The following UBXN7 variants were observed in gnomAD, a reference collection of about 807,000 sequenced individuals.
UBXN7 encodes the protein UBX domain protein 7.
Under a neutral mutation model 58.0 loss-of-function variants are expected in UBXN7, and 9 were observed. The ratio of observed to expected loss-of-function variants is 0.16; its 90% CI spans 0.09 to 0.27. UBXN7 has a LOEUF of 0.27. Among genes scored for constraint, UBXN7 ranks in the 10% least tolerant of loss-of-function variants. The pLI is 1.00. For missense variants in UBXN7, 328 were observed against 599.6 expected, an observed-to-expected ratio of 0.55 and a Z score of 4.73; for synonymous variants, 208 against 205.0, an observed-to-expected ratio of 1.01 and a Z score of -0.12.
chr3:196,397,244 G>A (rs978255787), intron 3 of UBXN7, among the ~76,000 whole-genome samples: 9 of 152,272 alleles, frequency 5.9e-5, no homozygotes, highest in African/African-American at 1.7e-4. Flanking sequence ...AAGCTATAAA[G>A]AGCTAAAAGA....
At chr3:196,399,672 G>GC (rs2108850277) in intron 3 of UBXN7, among the ~76,000 whole-genome samples, 1 of 152,268 alleles carries the variant, frequency 6.6e-6, no homozygotes, top group South Asian at 2.1e-4. Flanking sequence ...ACTCCTGGTT[G>GC]CAAGTGATCT....
At chr3:196,429,093 C>T (rs1299265697) in intron 1 of UBXN7, among the ~76,000 whole-genome samples, 3 of 151,750 alleles carry the variant, frequency 2.0e-5, no homozygotes, top group African/African-American at 4.8e-5. Flanking sequence ...TTTGGGAGGC[C>T]GAGGCAGGCG....
chr3:196,352,902 T>C lies in UBXN7; in HGVS notation c.*3783A>G, dbSNP rs1318560039. The C allele has an allele frequency of 6.6e-6, 1 of 152,170 alleles. No homozygotes were observed. The highest frequency in any genetic ancestry group is 1.5e-5 in the Non-Finnish European group (1 of 68,032). The allele number at this position is 152,170 out of a possible 1,614,324, so 9.4% of individuals were successfully genotyped here. ...AGGTAATTGTATCTTTTCTGAAAAA[T>C]GTTTAAAAAAAGAAAAAATTGTTTT... is the stretch of plus-strand genomic sequence containing the variant. On this transcript the variant is annotated 3_prime_UTR_variant, in exon 11 of 11. Coordinates refer to ENST00000296328, the MANE Select transcript of UBXN7 (RefSeq NM_015562.2). This position sits in a 1 kb window ranked among gnomAD's most constrained non-coding sequence, Gnocchi z 4.1.
rs150423444 is a variant in UBXN7, at chr3:196,424,881, T to C, written c.73+7446A>G. Among the ~76,000 whole-genome samples, 1,304 of 152,074 alleles carry C rather than the reference T, an allele frequency of 8.6e-3. 18 individuals are homozygous for C. Among genetic ancestry groups the C allele is most frequent in the African/African-American group, 0.029 (1,219 of 41,464 alleles). On this transcript the variant is annotated intron_variant, in intron 1 of 10. Coordinates refer to ENST00000296328, the MANE Select transcript of UBXN7 (RefSeq NM_015562.2). ...CCATGCCCGGCTAGTTTTGTATTTT[T>C]AGTAGAGACGGGGTTTCACCATGTT... is the stretch of plus-strand genomic sequence containing the variant.
At chr3:196,382,210 GA>G (rs774816166) in intron 5 of UBXN7, among the ~76,000 whole-genome samples, 5 of 152,190 alleles carry the variant, frequency 3.3e-5, no homozygotes, top group Non-Finnish European at 7.3e-5. Context: ...AGGTTGAAAT[GA>G]AGGGAAAAGT....
intron 3 of UBXN7, chr3:196,397,590 C>CTCCG (rs1338960932): frequency 6.6e-6 from 1 of 152,294 alleles, no homozygotes; most frequent in Non-Finnish European, 1.5e-5. Context: ...TCTGCACCTG[C>CTCCG]TCCGTTTCCT....
At chr3:196,408,703 G>A (rs138376018) in intron 1 of UBXN7, among the ~76,000 whole-genome samples, 9 of 152,234 alleles carry the variant, frequency 5.9e-5, no homozygotes, top group African/African-American at 1.7e-4. Context: ...AAAGCTGACA[G>A]CTATTTTCTC....
At chr3:196,418,013 T>C (rs1730559649) in intron 1 of UBXN7, among the ~76,000 whole-genome samples, 1 of 151,990 alleles carries the variant, frequency 6.6e-6, no homozygotes, top group African/African-American at 2.4e-5. Flanking sequence ...CCAGGCACAG[T>C]GGTTCACTTG....
At chr3:196,399,752 A>AT (rs35548752) in intron 3 of UBXN7, among the ~76,000 whole-genome samples, 11 of 151,780 alleles carry the variant, frequency 7.2e-5, no homozygotes, top group African/African-American at 2.2e-4. Flanking sequence ...TGCCTTTTAG[A>AT]TTTTTTTTGT....
chr3:196,410,372 T>C (rs896771873), intron 1 of UBXN7, among the ~76,000 whole-genome samples: 2 of 152,210 alleles, frequency 1.3e-5, no homozygotes, highest in African/African-American at 2.4e-5. Flanking sequence ...TGTCTCTCAT[T>C]TGTTTTCTCT....
At chr3:196,429,010 T>TAAAA (rs11401303) in intron 1 of UBXN7, among the ~76,000 whole-genome samples, 71 of 126,272 alleles carry the variant, frequency 5.6e-4, no homozygotes, top group African/African-American at 1.9e-3. Context: ...CTCCATCTCT[T>TAAAA]AAAAAAAAAA....
chr3:196,430,549 A>G (rs559220775), intron 1 of UBXN7, among the ~76,000 whole-genome samples: 3 of 152,000 alleles, frequency 2.0e-5, no homozygotes, highest in African/African-American at 7.2e-5. Flanking sequence ...CACTACATCC[A>G]GCTCATTTTC....
At chr3:196,390,630 A>G (rs1729553010) in intron 5 of UBXN7, among the ~76,000 whole-genome samples, 1 of 151,308 alleles carries the variant, frequency 6.6e-6, no homozygotes, top group South Asian at 2.1e-4. Context: ...TTTCCCAGCT[A>G]CTCAGGAGGC....
At chr3:196,364,596 A>G (rs1728603065) in intron 8 of UBXN7, among the ~76,000 whole-genome samples, 1 of 152,120 alleles carries the variant, frequency 6.6e-6, no homozygotes, top group African/African-American at 2.4e-5. Flanking sequence ...AGGTAAAAAA[A>G]AAAAGTGTGA....
At chr3:196,370,711 T>C (rs190532479) in intron 6 of UBXN7, among the ~76,000 whole-genome samples, 2 of 151,834 alleles carry the variant, frequency 1.3e-5, no homozygotes, top group African/African-American at 4.8e-5. Flanking sequence ...TTTCTATAAC[T>C]TTTCACAAAA....
rs181684885 is a variant in UBXN7, at chr3:196,388,003, T to C, written c.468+3810A>G. Among the ~76,000 whole-genome samples the C allele has an allele frequency of 9.1e-3, 1,382 of 152,208 alleles. 18 individuals carry two copies. Among genetic ancestry groups the C allele is most frequent in the African/African-American group, 0.03 (1,226 of 41,514 alleles). On this transcript the variant is annotated intron_variant, in intron 5 of 10. Coordinates refer to ENST00000296328, the MANE Select transcript of UBXN7 (RefSeq NM_015562.2). ...AAAGACACATGCACACGTATGTTTATTGCAGCACTATTCACAACAGCAAAG... is the reference window on the plus strand; with the variant it reads ...AAAGACACATGCACACGTATGTTTACTGCAGCACTATTCACAACAGCAAAG...
chr3:196,388,326 A>T (rs867050595), intron 5 of UBXN7, among the ~76,000 whole-genome samples: 2 of 150,986 alleles, frequency 1.3e-5, no homozygotes, highest in Non-Finnish European at 3.0e-5. Context: ...GGGGAGGGAT[A>T]GCATTAGGAG....
intron 4 of UBXN7, 134 bp from the exon 5 acceptor site, chr3:196,392,059 T>A: frequency 1.8e-6 from 1 of 546,614 alleles, no homozygotes; most frequent in Admixed American, 3.8e-5. Context: ...TACAAAGATC[T>A]AATGTTGACT....
intron 7 of UBXN7, among the ~76,000 whole-genome samples, chr3:196,368,634 C>T (rs762326348): frequency 6.6e-6 from 1 of 152,096 alleles, no homozygotes; most frequent in African/African-American, 2.4e-5. Flanking sequence ...GATTCCCACC[C>T]GTAATGATAG....
Sources: allele counts gnomAD v4.1 joint callset (sites outside exome capture counted in the v4.1 genomes callset), GRCh38; gene constraint gnomAD v4.1.1; non-coding constraint Gnocchi (gnomAD v3.1); transcripts MANE v1.5; gene names NCBI Gene and HGNC (gene_info 2026-07-23, HGNC 2026-07-21).